Variants in MBNL1 observed in about 807,000 individuals in gnomAD.
MBNL1 encodes muscleblind like splicing regulator 1.
A neutral mutation model predicts 42.2 loss-of-function variants in MBNL1; 8 were observed. The ratio of observed to expected loss-of-function variants is 0.19; its 90% CI spans 0.11 to 0.34. The LOEUF (loss-of-function observed/expected upper bound fraction) is 0.34. Ranked by LOEUF, MBNL1 falls within the 10% of genes least tolerant of loss-of-function variation. MBNL1 has a pLI of 1.00. For synonymous variants in MBNL1, 169 were observed against 173.9 expected, an observed-to-expected ratio of 0.97 and a Z score of 0.22; for missense variants, 309 against 495.3, an observed-to-expected ratio of 0.62 and a Z score of 3.57.
intron 2 of MBNL1, among the ~76,000 whole-genome samples, chr3:152,355,549 A>G (rs986609512): frequency 3.3e-5 from 5 of 152,212 alleles, no homozygotes; most frequent in Admixed American, 3.3e-4. Flanking sequence ...CATGTTATTT[A>G]AGTAACATTT....
intron 2 of MBNL1, among the ~76,000 whole-genome samples, chr3:152,388,406 A>T (rs935434867): frequency 6.6e-6 from 1 of 152,242 alleles, no homozygotes; most frequent in African/African-American, 2.4e-5. Context: ...GAGAAATGAG[A>T]ATAGTATAAT....
At chr3:152,391,845 T>C (rs1050982247) in intron 2 of MBNL1, among the ~76,000 whole-genome samples, 5 of 152,184 alleles carry the variant, frequency 3.3e-5, no homozygotes, top group South Asian at 2.1e-4. Context: ...GCTGAATCTG[T>C]CTATCCCATA....
intron 2 of MBNL1, among the ~76,000 whole-genome samples, chr3:152,376,535 A>T (rs2096909392): frequency 6.6e-6 from 1 of 152,232 alleles, no homozygotes; most frequent in South Asian, 2.1e-4. Flanking sequence ...ATGGTGGACA[A>T]GACTTGCTGA....
chr3:152,318,463 A>C (rs1418854934), intron 2 of MBNL1, among the ~76,000 whole-genome samples: 1 of 152,216 alleles, frequency 6.6e-6, no homozygotes, highest in African/African-American at 2.4e-5. Flanking sequence ...TAGTACAAAT[A>C]AAACTGCATT....
upstream of MBNL1, chr3:152,265,387 A>AGTGT (rs10664067): frequency 0.34 from 49,630 of 145,102 alleles, 8,937 homozygotes; most frequent in Non-Finnish European, 0.42. Flanking sequence ...TTTGTGTGAG[A>AGTGT]GTGTGTGTGT....
At position 152,440,534 on chromosome 3, in the gene MBNL1, A is replaced by G. The variant is rs145805785; in HGVS notation, c.550-4748A>G. Among the ~76,000 whole-genome samples, 12 of 152,288 alleles carry G rather than the reference A, an allele frequency of 7.9e-5. No homozygotes were observed. In the East Asian group the frequency reaches 2.3e-3, roughly 29 times the overall value. ...AACAGCTCAGGAAAGATATGCCCCC[A>G]TGATTCAATTACCTCCCACCGGGTC... On this transcript the variant is annotated intron_variant, in intron 4 of 9. Transcript: ENST00000324210.
intron 2 of MBNL1, among the ~76,000 whole-genome samples, chr3:152,253,260 C>T (rs1374824367): frequency 6.6e-5 from 10 of 152,108 alleles, no homozygotes; most frequent in Admixed American, 6.6e-4. Flanking sequence ...ACCTTACCCC[C>T]ATTATCCAGG....
At chr3:152,313,031 T>TTC (rs2067891435) in intron 2 of MBNL1, among the ~76,000 whole-genome samples, 1 of 151,954 alleles carries the variant, frequency 6.6e-6, no homozygotes, top group African/African-American at 2.4e-5. Context: ...GAAAACTTTT[T>TTC]TTTTTTTTTG....
chr3:152,398,887 A>G (rs372079223), intron 2 of MBNL1, among the ~76,000 whole-genome samples: 28 of 152,244 alleles, frequency 1.8e-4, no homozygotes, highest in African/African-American at 6.5e-4. Context: ...TGATGCCCCA[A>G]TGTATGATAT....
chr3:152,339,411 A>G (rs1310986552), intron 2 of MBNL1, among the ~76,000 whole-genome samples: 1 of 152,094 alleles, frequency 6.6e-6, no homozygotes, highest in East Asian at 1.9e-4. Flanking sequence ...TCTTAAGTTA[A>G]CAATACAAAA....
Position 152,305,954 on chromosome 3 carries a change from G to A in MBNL1, c.174+5587G>A, listed in dbSNP as rs188741732. 2.8e-4 allele frequency among the ~76,000 whole-genome samples: 43 copies of A among 152,216 alleles called. 1 individual carries two copies. Among genetic ancestry groups the A allele is most frequent in the Admixed American group, 3.3e-4 (5 of 15,294 alleles). On this transcript the variant is annotated intron_variant, in intron 2 of 9. Transcript: ENST00000324210. ...GATAAAGTTTGATTTTTTTGCTAGC[G>A]ATAAAACTTTCTATGCTATGAGCTT...
At chr3:152,328,849 A>G (rs1375082959) in intron 2 of MBNL1, among the ~76,000 whole-genome samples, 1 of 152,170 alleles carries the variant, frequency 6.6e-6, no homozygotes, top group Non-Finnish European at 1.5e-5. Flanking sequence ...TGTATTTTTG[A>G]CTTGAGGAAA....
At chr3:152,306,483 C>T (rs2063191181) in intron 2 of MBNL1, among the ~76,000 whole-genome samples, 1 of 152,146 alleles carries the variant, frequency 6.6e-6, no homozygotes, top group African/African-American at 2.4e-5. Context: ...AGGCAAGACA[C>T]CATAACTCAG....
intron 3 of MBNL1, among the ~76,000 whole-genome samples, chr3:152,418,490 T>C (rs1028994962): frequency 1.3e-5 from 2 of 151,400 alleles, no homozygotes; most frequent in Non-Finnish European, 2.9e-5. Context: ...CTGGGCAACA[T>C]AGCAAGACAC....
chr3:152,432,878 T>G lies in MBNL1; in HGVS notation c.507T>G (p.Ala169=). The change falls in exon 4 of 10, where the codon GCT becomes GCG. Residue 169 remains alanine, a synonymous_variant. Coordinates refer to ENST00000324210, the MANE Select transcript of MBNL1 (RefSeq NM_021038.5). ...GNPGVPVPAA[A]AAAAQKLMRT... ...CGGGTGTCCCTGTACCTGCAGCTGCTGCAGCTGCTGCACAGAAATTAATGC... is the reference window on the plus strand; with the variant it reads ...CGGGTGTCCCTGTACCTGCAGCTGCGGCAGCTGCTGCACAGAAATTAATGC... 1 of 1,614,018 alleles carries G rather than the reference T, an allele frequency of 6.2e-7. No homozygotes were observed.
At chr3:152,447,581 T>C (rs1330009759) in intron 5 of MBNL1, 39 bp from the exon 6 acceptor site, 1 of 1,555,964 alleles carries the variant, frequency 6.4e-7, no homozygotes, top group Non-Finnish European at 8.8e-7. Context: ...TTTTTCTCTT[T>C]TTACTGGTAT....
chr3:152,413,731 T>C lies in MBNL1; in HGVS notation c.175-1210T>C, dbSNP rs550799491. Among the ~76,000 whole-genome samples, 2 of 152,348 alleles carry C rather than the reference T, an allele frequency of 1.3e-5. 1 individual carries two copies. The highest frequency in any genetic ancestry group is 4.1e-4 in the South Asian group (2 of 4,830). On this transcript the variant is annotated intron_variant, in intron 2 of 9. Transcript: ENST00000324210. ...GAATGATGGCTTCAATTAATCTTTC[T>C]TTTATTCTACTGCTTGTAAACAGTT...
chr3:152,275,187 G>A (rs1468331280), intron 1 of MBNL1, among the ~76,000 whole-genome samples: 3 of 152,150 alleles, frequency 2.0e-5, no homozygotes, highest in Admixed American at 2.0e-4. Context: ...AAGCAGGAGG[G>A]TGGTCAAGCT....
At chr3:152,281,047 A>G (rs1007701121) in intron 1 of MBNL1, among the ~76,000 whole-genome samples, 2 of 152,190 alleles carry the variant, frequency 1.3e-5, no homozygotes, top group African/African-American at 2.4e-5. Context: ...AAGCAAAACA[A>G]CAAAAGACTC....
Sources: allele counts gnomAD v4.1 joint callset (sites outside exome capture counted in the v4.1 genomes callset), GRCh38; gene constraint gnomAD v4.1.1; transcripts MANE v1.5; gene names NCBI Gene and HGNC (gene_info 2026-07-23, HGNC 2026-07-21).